The following CCSER1 variants were observed in gnomAD, a reference collection of about 807,000 sequenced individuals.
The protein encoded by CCSER1 is serine-rich coiled-coil domain-containing protein 1.
In CCSER1, 41 loss-of-function variants were observed where a neutral mutation model predicts 82.0. The ratio of observed to expected loss-of-function variants is 0.50; its 90% CI spans 0.39 to 0.65. The LOEUF (loss-of-function observed/expected upper bound fraction) is 0.65. CCSER1 is among the 30% of genes least tolerant of loss of function. CCSER1 has a pLI of 0.00. For synonymous variants in CCSER1, 414 were observed against 383.9 expected, an observed-to-expected ratio of 1.08 and a Z score of -0.92; for missense variants, 1,119 against 1,064.2, an observed-to-expected ratio of 1.05 and a Z score of -0.72.
chr4:91,003,522 G>A (rs1313369685), intron 9 of CCSER1, among the ~76,000 whole-genome samples: 1 of 152,096 alleles, frequency 6.6e-6, no homozygotes, highest in African/African-American at 2.4e-5. Context: ...AGCAGTCACA[G>A]GCCTCACCCA....
intron 10 of CCSER1, among the ~76,000 whole-genome samples, chr4:91,330,260 G>A (rs1443152623): frequency 2.0e-5 from 3 of 151,976 alleles, no homozygotes; most frequent in Non-Finnish European, 2.9e-5. Flanking sequence ...TATGGTTATT[G>A]ATGCTTAGGA....
chr4:91,333,601 G>A (rs537909638), intron 10 of CCSER1, among the ~76,000 whole-genome samples: 40 of 152,098 alleles, frequency 2.6e-4, no homozygotes, highest in African/African-American at 9.4e-4. Flanking sequence ...TATGGAAGCA[G>A]AATAAAGTAG....
chr4:90,960,668 G>A (rs766563932), intron 9 of CCSER1, among the ~76,000 whole-genome samples: 61 of 152,126 alleles, frequency 4.0e-4, no homozygotes, highest in Non-Finnish European at 7.8e-4. Context: ...CGGTATGAAA[G>A]CTACACTTGC....
At chr4:90,844,203 T>C (rs1223375427) in intron 8 of CCSER1, among the ~76,000 whole-genome samples, 1 of 150,732 alleles carries the variant, frequency 6.6e-6, no homozygotes, top group African/African-American at 2.4e-5. Flanking sequence ...AGATTGAGAA[T>C]ATATATATAT....
chr4:91,406,456 C>T (rs565193832), intron 10 of CCSER1, among the ~76,000 whole-genome samples: 1 of 152,106 alleles, frequency 6.6e-6, no homozygotes, highest in African/African-American at 2.4e-5. Flanking sequence ...GCCATCTTGC[C>T]AATTGTGTCA....
chr4:91,417,293 C>T (rs555543720), intron 10 of CCSER1, among the ~76,000 whole-genome samples: 1 of 152,206 alleles, frequency 6.6e-6, no homozygotes, highest in South Asian at 2.1e-4. Context: ...TGATTTCTCA[C>T]TGATCTAGAA....
intron 5 of CCSER1, among the ~76,000 whole-genome samples, chr4:90,617,582 A>G (rs1437573207): frequency 6.6e-6 from 1 of 152,194 alleles, no homozygotes; most frequent in East Asian, 1.9e-4. Flanking sequence ...TTGAGAAAGG[A>G]GTTAGGAAAA....
At chr4:90,452,652 T>G (rs1319605358) in intron 4 of CCSER1, among the ~76,000 whole-genome samples, 2 of 152,172 alleles carry the variant, frequency 1.3e-5, no homozygotes, top group Non-Finnish European at 2.9e-5. Flanking sequence ...CATCTCCTCA[T>G]TGGGAAGTCT....
intron 5 of CCSER1, among the ~76,000 whole-genome samples, chr4:90,515,333 G>A (rs1772120541): frequency 6.6e-6 from 1 of 152,082 alleles, no homozygotes; most frequent in African/African-American, 2.4e-5. Flanking sequence ...ATACTGTCTT[G>A]CCTAGCTTGT....
intron 6 of CCSER1, among the ~76,000 whole-genome samples, chr4:90,644,845 G>T (rs1242398749): frequency 1.3e-5 from 2 of 151,858 alleles, no homozygotes; most frequent in Non-Finnish European, 2.9e-5. Flanking sequence ...ACTTTGGGAG[G>T]CCGAGGCAGG....
At chr4:90,607,013 G>C (rs1351568398) in intron 5 of CCSER1, among the ~76,000 whole-genome samples, 1 of 152,142 alleles carries the variant, frequency 6.6e-6, no homozygotes, top group Non-Finnish European at 1.5e-5. Flanking sequence ...AAGGATTCCA[G>C]TAAATCATAA....
intron 10 of CCSER1, among the ~76,000 whole-genome samples, chr4:91,509,953 G>A (rs1759731764): frequency 6.6e-6 from 1 of 152,010 alleles, no homozygotes; most frequent in South Asian, 2.1e-4. Context: ...TCCTGTCACC[G>A]AGGTACTAAG....
chr4:90,293,482 GAGTT>G (rs1042904002), intron 1 of CCSER1, among the ~76,000 whole-genome samples: 8 of 151,140 alleles, frequency 5.3e-5, no homozygotes, highest in African/African-American at 1.7e-4. Context: ...TGCCCAATAA[GAGTT>G]AGAATAAAAA....
At chr4:91,452,198 T>C (rs952851047) in intron 10 of CCSER1, among the ~76,000 whole-genome samples, 3 of 152,028 alleles carry the variant, frequency 2.0e-5, no homozygotes, top group African/African-American at 7.2e-5. Flanking sequence ...CTTTTGCCAG[T>C]ACAATTAAAG....
At chr4:90,373,211 C>T (rs200685550) in intron 3 of CCSER1, among the ~76,000 whole-genome samples, 57 of 151,954 alleles carry the variant, frequency 3.8e-4, no homozygotes, top group African/African-American at 1.0e-3. Context: ...AATGAAGTGA[C>T]GAGACATATA....
chr4:91,193,175 T>G (rs1336328962), intron 10 of CCSER1, among the ~76,000 whole-genome samples: 1 of 152,206 alleles, frequency 6.6e-6, no homozygotes, highest in Admixed American at 6.5e-5. Context: ...CTTGGTTATT[T>G]GAATCTAAGT....
At chr4:90,230,637 G>GA (rs1237245588) in intron 1 of CCSER1, among the ~76,000 whole-genome samples, 5 of 149,916 alleles carry the variant, frequency 3.3e-5, no homozygotes, top group Admixed American at 2.7e-4. Flanking sequence ...AGAACTGAAG[G>GA]AAATAGAGAC....
intron 10 of CCSER1, among the ~76,000 whole-genome samples, chr4:91,274,081 T>C (rs1406062053): frequency 6.6e-6 from 1 of 152,210 alleles, no homozygotes; most frequent in African/African-American, 2.4e-5. Flanking sequence ...AAGTCTGGGT[T>C]CAGTAAATGA....
At chr4:90,939,339 T>G (rs1283994590) in intron 9 of CCSER1, among the ~76,000 whole-genome samples, 1 of 152,174 alleles carries the variant, frequency 6.6e-6, no homozygotes, top group Non-Finnish European at 1.5e-5. Flanking sequence ...TATTGGAAAT[T>G]AACCTCATAT....
Sources: gnomAD v4.1 joint callset for allele counts (sites outside exome capture counted in the v4.1 genomes callset) on GRCh38, gnomAD v4.1.1 for gene constraint, MANE v1.5 for transcripts, NCBI Gene and HGNC (gene_info 2026-07-23, HGNC 2026-07-21) for gene names.